The following WDR70 variants were observed in gnomAD, a reference collection of about 807,000 sequenced individuals.
WDR70 encodes the protein WD repeat-containing protein 70.
In WDR70, 53 loss-of-function variants were observed where a neutral mutation model predicts 88.6. That is an observed-to-expected ratio of 0.60 (90% CI 0.48 to 0.75). The LOEUF (loss-of-function observed/expected upper bound fraction) is 0.75, where lower values mean the gene tolerates loss of function less well. Among genes scored for constraint, WDR70 ranks in the 30% least tolerant of loss-of-function variants. The pLI, the probability that WDR70 is intolerant of heterozygous loss-of-function variation, is 0.00. For synonymous variants in WDR70, 280 were observed against 270.0 expected, an observed-to-expected ratio of 1.04 and a Z score of -0.36; for missense variants, 610 against 823.2, an observed-to-expected ratio of 0.74 and a Z score of 3.17.
In WDR70 at chr5:37,752,749, C is replaced by CT. The variant is rs1748851469; in HGVS notation, c.*178dup. 1.8e-6 allele frequency: 1 copy of CT among 549,762 alleles called. No individual in the cohort carries two copies. The highest frequency in any genetic ancestry group is 3.6e-5 in the Admixed American group (1 of 27,546). The allele number at this position is 549,762 out of a possible 1,614,324, so 34.1% of individuals were successfully genotyped here. ...TTCACTAAAATTGTGCTTAAATTTTCTTACCTGCAACTATTAAACTGATTA... is the reference window on the plus strand; with the variant it reads ...TTCACTAAAATTGTGCTTAAATTTTCTTTACCTGCAACTATTAAACTGATTA... On this transcript the variant is annotated 3_prime_UTR_variant, in exon 18 of 18. Coordinates refer to ENST00000265107, the MANE Select transcript of WDR70 (RefSeq NM_018034.4).
intron 5 of WDR70, among the ~76,000 whole-genome samples, chr5:37,417,336 C>T (rs1749790528): frequency 6.6e-6 from 1 of 151,972 alleles, no homozygotes; most frequent in Admixed American, 6.6e-5. Context: ...GCAATCCTCC[C>T]ATCTCAGTCT....
chr5:37,510,395 C>T (rs759128093), intron 8 of WDR70, among the ~76,000 whole-genome samples: 6 of 152,104 alleles, frequency 3.9e-5, no homozygotes, highest in South Asian at 4.1e-4. Context: ...AAGTTGTAAA[C>T]GTCATGCTCT....
chr5:37,462,329 G>T (rs897119014), intron 7 of WDR70, among the ~76,000 whole-genome samples: 4 of 152,052 alleles, frequency 2.6e-5, no homozygotes, highest in Non-Finnish European at 4.4e-5. Context: ...TTGAGACAGA[G>T]TCTCGCTCAT....
chr5:37,379,463 C>A, intron 1 of WDR70, 26 bp from the exon 2 acceptor site: 2 of 1,613,924 alleles, frequency 1.2e-6, no homozygotes. Context: ...ACTAACTAGG[C>A]CGCCTCTCTT....
chr5:37,469,190 A>G (rs2112128083), intron 7 of WDR70, among the ~76,000 whole-genome samples: 1 of 152,220 alleles, frequency 6.6e-6, no homozygotes, highest in East Asian at 1.9e-4. Flanking sequence ...TGTCTCCTTT[A>G]TTACATGGGA....
intron 10 of WDR70, among the ~76,000 whole-genome samples, chr5:37,625,987 T>C: frequency 6.6e-6 from 1 of 150,536 alleles, no homozygotes; most frequent in East Asian, 1.9e-4. Context: ...CTGAATTCTG[T>C]TATGGGTTCT....
intron 10 of WDR70, among the ~76,000 whole-genome samples, chr5:37,674,006 T>A (rs1746116246): frequency 6.6e-6 from 1 of 152,188 alleles, no homozygotes; most frequent in Non-Finnish European, 1.5e-5. Context: ...GTTTTCTTTA[T>A]CCAGTCTATC....
At chr5:37,534,514 T>TTG (rs763898303) in intron 9 of WDR70, among the ~76,000 whole-genome samples, 1 of 151,528 alleles carries the variant, frequency 6.6e-6, no homozygotes, top group African/African-American at 2.4e-5. Flanking sequence ...TTTTTTTTTT[T>TTG]GTGACAAAAG....
At chr5:37,697,114 AGCATATAGT>A (rs1169565643) in intron 10 of WDR70, among the ~76,000 whole-genome samples, 1 of 152,226 alleles carries the variant, frequency 6.6e-6, no homozygotes, top group Non-Finnish European at 1.5e-5. Flanking sequence ...AAGATAGGAA[AGCATATAGT>A]GCCTAGGATA....
At chr5:37,547,065 G>A (rs1405435593) in intron 9 of WDR70, among the ~76,000 whole-genome samples, 1 of 152,138 alleles carries the variant, frequency 6.6e-6, no homozygotes, top group African/African-American at 2.4e-5. Flanking sequence ...GGATTTCTAG[G>A]TCAGGCAAGG....
intron 9 of WDR70, among the ~76,000 whole-genome samples, chr5:37,538,922 A>G (rs920126954): frequency 1.3e-5 from 2 of 152,234 alleles, no homozygotes; most frequent in African/African-American, 4.8e-5. Context: ...TTCTAATTTG[A>G]ATTGTAATAG....
intron 9 of WDR70, among the ~76,000 whole-genome samples, chr5:37,587,723 TA>T (rs1429317804): frequency 6.6e-6 from 1 of 152,204 alleles, no homozygotes; most frequent in East Asian, 1.9e-4. Flanking sequence ...GGCTTATACT[TA>T]TAAAACATTT....
intron 7 of WDR70, among the ~76,000 whole-genome samples, chr5:37,471,653 T>G (rs1484932559): frequency 2.0e-5 from 3 of 151,898 alleles, no homozygotes; most frequent in Non-Finnish European, 2.9e-5. Flanking sequence ...TGGTTAGAAT[T>G]TTTTTGTTTT....
chr5:37,450,764 A>G (rs1376497473), intron 7 of WDR70, among the ~76,000 whole-genome samples: 1 of 152,166 alleles, frequency 6.6e-6, no homozygotes, highest in East Asian at 1.9e-4. Context: ...TTTTTTTATA[A>G]AGGGCCAGGT....
intron 10 of WDR70, among the ~76,000 whole-genome samples, chr5:37,683,572 A>G (rs1746500679): frequency 6.6e-6 from 1 of 152,158 alleles, no homozygotes. Context: ...CTTGTTTGAA[A>G]AGGATCTTAT....
intron 5 of WDR70, among the ~76,000 whole-genome samples, chr5:37,401,282 T>G (rs1282202668): frequency 1.3e-5 from 2 of 148,650 alleles, no homozygotes; most frequent in Non-Finnish European, 3.0e-5. Flanking sequence ...AGTGCTGGGA[T>G]TACAGGCTTG....
intron 6 of WDR70, among the ~76,000 whole-genome samples, chr5:37,442,301 C>T (rs1223860245): frequency 6.0e-5 from 9 of 150,128 alleles, no homozygotes; most frequent in Non-Finnish European, 1.3e-4. Context: ...CCTCCCAAAG[C>T]GCTGGGATTA....
At chr5:37,449,602 AATAAAAAATAAAAAAT>A (rs1738603038) in intron 7 of WDR70, among the ~76,000 whole-genome samples, 14 of 28,750 alleles carry the variant, frequency 4.9e-4, no homozygotes, top group African/African-American at 5.8e-4. Flanking sequence ...AAAAAAAAAA[AATAAAAAATAAAAAAT>A]AAATAAATAA....
At chr5:37,557,901 A>ATACTCTTTTGAATACTCTTCAAAAGAG (rs1561900701) in intron 9 of WDR70, among the ~76,000 whole-genome samples, 11,297 of 30,728 alleles carry the variant, frequency 0.37, 3,678 homozygotes, top group African/African-American at 0.45. Context: ...CTTCAGATTT[A>ATACTCTTTTGAATACTCTTCAAAAGAG]TACTCTTTTG....
Sources: allele counts gnomAD v4.1 joint callset (sites outside exome capture counted in the v4.1 genomes callset), GRCh38; gene constraint gnomAD v4.1.1; transcripts MANE v1.5; gene names NCBI Gene and HGNC (gene_info 2026-07-23, HGNC 2026-07-21).